The following COL6A1 variants were observed in gnomAD, a reference collection of about 807,000 sequenced individuals.
COL6A1 encodes collagen type VI alpha 1 chain.
A neutral mutation model predicts 145.6 loss-of-function variants in COL6A1; 80 were observed. The ratio of observed to expected loss-of-function variants is 0.55; its 90% CI spans 0.46 to 0.66. The LOEUF (loss-of-function observed/expected upper bound fraction) is 0.66, where lower values mean the gene tolerates loss of function less well. COL6A1 is among the 30% of genes least tolerant of loss of function. COL6A1 has a pLI of 0.00. For synonymous variants in COL6A1, 638 were observed against 622.8 expected (o/e 1.02, Z -0.36); for missense variants, 1,364 against 1,473.8 (o/e 0.93, Z 1.22).
Position 45,994,327 on chromosome 21 carries a change from T to C in COL6A1, c.1398+98T>C. The C allele has an allele frequency of 1.7e-6, 2 of 1,169,316 alleles. No homozygotes were observed. Among genetic ancestry groups the C allele is most frequent in the Non-Finnish European group, 2.5e-6 (2 of 800,514 alleles). The allele number at this position is 1,169,316 out of a possible 1,614,324, so 72.4% of individuals were successfully genotyped here. A position where few individuals can be genotyped will look rare whatever the true frequency, so the allele number is the denominator to read the frequency against. On this transcript the variant is annotated intron_variant, in intron 20 of 34. Transcript: ENST00000361866. The surrounding 1 kb of genome is among the most constrained non-coding windows in gnomAD (Gnocchi z 6.8). ...CGCACTGGGGGTCTGTTCATTTCCG[T>C]TTGAGGGCCTCTGTGTTTCCGTAGA...
chr21:45,984,294 G>C lies in COL6A1; in HGVS notation c.253G>C (p.Val85Leu). 1 of 1,610,432 alleles carries C rather than the reference G, an allele frequency of 6.2e-7. No individual in the cohort carries two copies. The highest frequency in any genetic ancestry group is 8.5e-7 in the Non-Finnish European group (1 of 1,178,940). Reference sequence around the variant, plus strand: ...GTACTACCGCTGTGACCGAAACCTGGTGTGGAACGCAGGCGCGCTGCACTA... The same window carrying C: ...GTACTACCGCTGTGACCGAAACCTGCTGTGGAACGCAGGCGCGCTGCACTA... Reference protein sequence around the residue: ...DRYYRCDRNLVWNAGALHYSD... With the variant: ...DRYYRCDRNLLWNAGALHYSD... The change falls in exon 3 of 35, where the codon GTG (valine) becomes CTG (leucine). Residue 85 changes from valine (V) to leucine (L), a missense_variant. Physicochemically the swap from Val to Leu is conservative, Grantham distance 32. Transcript: ENST00000361866.
At chr21:45,996,924 C>T (rs567795671) in intron 20 of COL6A1, among the ~76,000 whole-genome samples, 174 of 152,178 alleles carry the variant, frequency 1.1e-3, no homozygotes, top group Non-Finnish European at 2.1e-3. Flanking sequence ...GAGGGTCCTG[C>T]GGTTGGGGGT....
rs376726434 is a variant in COL6A1, at chr21:45,999,236, G to A, written c.1740+18G>A. ...GCCCCCAGGTGGGTGGATGTGGCTGGGTGAGGCCACGGTGGGCTGTGCCTG... is the reference window on the plus strand; with the variant it reads ...GCCCCCAGGTGGGTGGATGTGGCTGAGTGAGGCCACGGTGGGCTGTGCCTG... On this transcript the variant is annotated intron_variant, in intron 26 of 34. Coordinates refer to ENST00000361866, the MANE Select transcript of COL6A1 (RefSeq NM_001848.3). 7.6e-6 allele frequency: 12 copies of A among 1,582,748 alleles called. No homozygotes were observed. The highest frequency in any genetic ancestry group is 3.5e-5 in the South Asian group (3 of 86,912).
In COL6A1 at chr21:45,994,844, C is replaced by G. The variant is rs559006505; in HGVS notation, c.1398+615C>G. 6.6e-6 allele frequency among the ~76,000 whole-genome samples: 1 copy of G among 152,252 alleles called. No homozygotes were observed. The highest frequency in any genetic ancestry group is 1.5e-5 in the Non-Finnish European group (1 of 68,010). ...GGCCGTTGCATCCTCCCGGAGCTCA[C>G]CTGCCCCACGGGGACAGGAAGGCCT... On this transcript the variant is annotated intron_variant, in intron 20 of 34. Coordinates refer to ENST00000361866, the MANE Select transcript of COL6A1 (RefSeq NM_001848.3). The surrounding 1 kb of genome is among the most constrained non-coding windows in gnomAD (Gnocchi z 6.8).
At chr21:45,990,742 T>C (rs2077771893) in intron 13 of COL6A1, 31 bp from the exon 14 acceptor site, 5 of 1,607,784 alleles carry the variant, frequency 3.1e-6, no homozygotes, top group Non-Finnish European at 4.3e-6. Context: ...CACTTGGCCG[T>C]CAGATTTTCT....
chr21:45,997,046 C>G (rs1049909690), intron 20 of COL6A1, among the ~76,000 whole-genome samples: 1 of 152,156 alleles, frequency 6.6e-6, no homozygotes, highest in Non-Finnish European at 1.5e-5. Flanking sequence ...TGTAGCCTCA[C>G]CCCTCCGTGG....
In COL6A1 at chr21:46,003,469, C is replaced by G. The variant is rs1385874632; in HGVS notation, c.2543C>G (p.Thr848Ser). Residue 848 changes from threonine to serine, a missense_variant, in exon 35 of 35, where the codon ACC becomes AGC. Physicochemically the swap from Thr to Ser is moderately conservative, Grantham distance 58. Around this residue, in one of 3 missense-constraint regions of COL6A1, gnomAD observed 938 missense variants for 1,003.8 expected, o/e 0.93. Transcript: ENST00000361866. ...ASVGSHNFDT[T>S]KRFAKRLAER... ...GTGGGCAGCCACAACTTTGACACCA[C>G]CAAGCGCTTCGCCAAGCGCCTGGCC... The G allele has an allele frequency of 6.2e-7, 1 of 1,608,514 alleles. No homozygotes were observed. The highest frequency in any genetic ancestry group is 1.3e-5 in the African/African-American group (1 of 75,056).
rs372627181 is a variant in COL6A1 at position 45,984,385 on chromosome 21, G to A, written c.344G>A (p.Ser115Asn). The change falls in exon 3 of 35, where the codon AGC becomes AAC. Residue 115 changes from serine to asparagine, a missense_variant. By Grantham distance (46) the Ser-to-Asn change is conservative. Coordinates refer to ENST00000361866, the MANE Select transcript of COL6A1 (RefSeq NM_001848.3). The part of the protein sequence containing the change: ...RMPGGRDALK[S>N]SVDAVKYFGK... Reference sequence around the variant, plus strand: ...CCTGGCGGCCGCGACGCACTCAAAAGCAGCGTGGACGCGGTCAAGTACTTT... The same window carrying A: ...CCTGGCGGCCGCGACGCACTCAAAAACAGCGTGGACGCGGTCAAGTACTTT... 75 of 1,612,654 alleles carry A rather than the reference G, an allele frequency of 4.7e-5. No homozygotes were observed. The highest frequency in any genetic ancestry group is 6.7e-5 in the Admixed American group (4 of 60,002).
intron 26 of COL6A1, 87 bp downstream of exon 26, chr21:45,999,305 A>G (rs1307240071): frequency 1.5e-6 from 2 of 1,331,578 alleles, no homozygotes; most frequent in Admixed American, 3.9e-5. Flanking sequence ...AGAGGCTGGG[A>G]GAGTGGGAGG....
chr21:45,996,394 T>G (rs2077804749), intron 20 of COL6A1, among the ~76,000 whole-genome samples: 1 of 152,214 alleles, frequency 6.6e-6, no homozygotes, highest in Admixed American at 6.5e-5. Flanking sequence ...CAGCCAGGCC[T>G]GGGTGCTTGC....
At chr21:45,988,662 G>A (rs1045684525) in intron 8 of COL6A1, among the ~76,000 whole-genome samples, 41 of 152,154 alleles carry the variant, frequency 2.7e-4, no homozygotes, top group African/African-American at 9.4e-4. Context: ...GGCTCACATA[G>A]GATGACCTTA....
chr21:45,986,256 G>A (rs2077738229), intron 3 of COL6A1, among the ~76,000 whole-genome samples: 1 of 152,184 alleles, frequency 6.6e-6, no homozygotes, highest in South Asian at 2.1e-4. Flanking sequence ...TTGCGCCCCA[G>A]GGCACCCCAG....
rs774498846 is a variant in COL6A1 at position 45,991,060 on chromosome 21, C to T, written c.1119+19C>T. ...AGAAAAGGTGAGTGACTTGCGGCCC[C>T]TGGAGGACCAGGGCCTTCACGGTTG... On this transcript the variant is annotated intron_variant, in intron 15 of 34. Transcript: ENST00000361866. 7 of 1,612,800 alleles carry T rather than the reference C, an allele frequency of 4.3e-6. No homozygotes were observed. Among genetic ancestry groups the T allele is most frequent in the Non-Finnish European group, 5.9e-6 (7 of 1,179,624 alleles).
At chr21:45,990,451 GA>G in intron 13 of COL6A1, 29 bp downstream of exon 13, 2 of 1,126,904 alleles carry the variant, frequency 1.8e-6, no homozygotes, top group South Asian at 1.4e-5. Context: ...GATGGACGGG[GA>G]GGGACGAGGA....
At chr21:46,003,306 TG>T in intron 34 of COL6A1, 84 bp from the exon 35 acceptor site, 1 of 1,603,622 alleles carries the variant, frequency 6.2e-7, no homozygotes, top group Non-Finnish European at 8.5e-7. Flanking sequence ...GTGCCCTCTC[TG>T]GGGAGCTTAG....
chr21:45,989,126 G>A lies in COL6A1; in HGVS notation c.847G>A (p.Ala283Thr). 2 of 1,609,466 alleles carry A rather than the reference G, an allele frequency of 1.2e-6. No individual in the cohort carries two copies. The highest frequency in any genetic ancestry group is 1.7e-6 in the Non-Finnish European group (2 of 1,178,352). ...GGGGCTCCCAGGAGAGAAGGGAGAAGCCGGAGATCCTGTGAGTGCCTGACT... is the reference window on the plus strand; with the variant it reads ...GGGGCTCCCAGGAGAGAAGGGAGAAACCGGAGATCCTGTGAGTGCCTGACT... Reference protein sequence around the residue: ...KPGLPGEKGEAGDPGRPGDLG... With the variant: ...KPGLPGEKGETGDPGRPGDLG... Residue 283 changes from alanine to threonine, a missense_variant, in exon 9 of 35, where the codon GCC becomes ACC. Around this residue, in one of 3 missense-constraint regions of COL6A1, gnomAD observed 414 missense variants for 437.6 expected, o/e 0.95. Coordinates refer to ENST00000361866, the MANE Select transcript of COL6A1 (RefSeq NM_001848.3).
chr21:45,999,803 G>C, intron 27 of COL6A1, 111 bp downstream of exon 27: 3 of 884,040 alleles, frequency 3.4e-6, no homozygotes, highest in Non-Finnish European at 5.1e-6. Context: ...GGGGGGGTGG[G>C]TTGTGGACAA....
chr21:46,003,342 G>A (rs1174413228), intron 34 of COL6A1, 49 bp from the exon 35 acceptor site: 1 of 1,600,352 alleles, frequency 6.2e-7, no homozygotes, highest in Admixed American at 1.7e-5. Flanking sequence ...GCCCACTGCG[G>A]CTGCATCACC....
chr21:46,002,571 C>A lies in COL6A1; in HGVS notation c.2295C>A (p.Gly765=), dbSNP rs1460084709. 7.4e-6 allele frequency: 12 copies of A among 1,614,062 alleles called. No individual in the cohort carries two copies. The highest frequency in any genetic ancestry group is 1.0e-5 in the Non-Finnish European group (12 of 1,180,028). ...AAGACGTGTTTGACTTCATCCCAGGCTCAGACCAGCTCAATGTCATTTCTT... is the reference window on the plus strand; with the variant it reads ...AAGACGTGTTTGACTTCATCCCAGGATCAGACCAGCTCAATGTCATTTCTT... ...GIKDVFDFIP[G]SDQLNVISCQ... The change falls in exon 33 of 35, where the codon GGC becomes GGA. Residue 765 remains glycine, a synonymous_variant. Transcript: ENST00000361866.
Sources: gnomAD v4.1 joint callset for allele counts (sites outside exome capture counted in the v4.1 genomes callset) on GRCh38, gnomAD v4.1.1 for gene constraint, gnomAD v4.1.1 regional missense constraint, Gnocchi (gnomAD v3.1) non-coding constraint, MANE v1.5 for transcripts, NCBI Gene and HGNC (gene_info 2026-07-23, HGNC 2026-07-21) for gene names.